RASAL2: variants seen among roughly 807,000 people sequenced by gnomAD.
RASAL2 encodes ras GTPase-activating protein nGAP.
In RASAL2, 58 loss-of-function variants were observed where a neutral mutation model predicts 128.9. The observed-to-expected ratio is 0.45, with a 90% confidence interval of 0.36 to 0.56. The LOEUF (loss-of-function observed/expected upper bound fraction) is 0.56, where lower values mean the gene tolerates loss of function less well. Among genes scored for constraint, RASAL2 ranks in the 20% least tolerant of loss-of-function variants. The pLI, the probability that RASAL2 is intolerant of heterozygous loss-of-function variation, is 0.00. For missense variants in RASAL2, 1,360 were observed against 1,601.6 expected, an observed-to-expected ratio of 0.85 and a Z score of 2.57; for synonymous variants, 561 against 580.8, an observed-to-expected ratio of 0.97 and a Z score of 0.49.
chr1:178,236,066 T>C (rs1664221107), intron 1 of RASAL2, among the ~76,000 whole-genome samples: 1 of 152,224 alleles, frequency 6.6e-6, no homozygotes, highest in South Asian at 2.1e-4. Context: ...ATTTTTTTAA[T>C]GCTCATTTTC....
At chr1:178,378,897 G>A (rs1672131599) in intron 3 of RASAL2, among the ~76,000 whole-genome samples, 1 of 151,848 alleles carries the variant, frequency 6.6e-6, no homozygotes, top group South Asian at 2.1e-4. Context: ...TTTAGGGAAA[G>A]AAAGAATGAA....
At chr1:178,467,128 A>G (rs1647790059) in intron 16 of RASAL2, among the ~76,000 whole-genome samples, 1 of 152,220 alleles carries the variant, frequency 6.6e-6, no homozygotes, top group Non-Finnish European at 1.5e-5. Flanking sequence ...TGGGGTTACT[A>G]TTCCAAGGGA....
intron 1 of RASAL2, among the ~76,000 whole-genome samples, chr1:178,264,229 C>G (rs529794029): frequency 6.6e-6 from 1 of 152,210 alleles, no homozygotes; most frequent in South Asian, 2.1e-4. Flanking sequence ...TATCTCTACC[C>G]GTTGCCTCAG....
At chr1:178,461,267 A>T (rs1245184475) in intron 14 of RASAL2, among the ~76,000 whole-genome samples, 1 of 152,174 alleles carries the variant, frequency 6.6e-6, no homozygotes, top group Non-Finnish European at 1.5e-5. Flanking sequence ...CAGAAACTAG[A>T]GGATTTCTTT....
At chr1:178,471,764 C>T (rs1003689198) in intron 17 of RASAL2, among the ~76,000 whole-genome samples, 2 of 152,066 alleles carry the variant, frequency 1.3e-5, no homozygotes, top group African/African-American at 4.8e-5. Flanking sequence ...ATTTTTCCCC[C>T]AGGGCCGTGG....
At chr1:178,420,668 T>A in intron 5 of RASAL2, 48 bp downstream of exon 5, 1 of 1,364,158 alleles carries the variant, frequency 7.3e-7, no homozygotes, top group Non-Finnish European at 1.0e-6. Flanking sequence ...TGAGAGTGAA[T>A]TTTGTTAAGG....
At chr1:178,311,076 T>A (rs1015970869) in intron 3 of RASAL2, among the ~76,000 whole-genome samples, 1 of 152,122 alleles carries the variant, frequency 6.6e-6, no homozygotes, top group Non-Finnish European at 1.5e-5. Flanking sequence ...GAAGTAGGAA[T>A]GATTTTTAGA....
chr1:178,189,774 G>T (rs1296822205), intron 1 of RASAL2, among the ~76,000 whole-genome samples: 1 of 151,992 alleles, frequency 6.6e-6, no homozygotes, highest in African/African-American at 2.4e-5. Context: ...CTATTTATGT[G>T]TTTTTTTCTC....
chr1:178,292,629 A>G (rs941264534), intron 2 of RASAL2, among the ~76,000 whole-genome samples: 2 of 152,234 alleles, frequency 1.3e-5, no homozygotes, highest in Non-Finnish European at 2.9e-5. Context: ...GCTTGATACC[A>G]GCCCAGTTCA....
chr1:178,276,519 GT>G lies in RASAL2; in HGVS notation c.203-7034del, dbSNP rs199980160. 2.2e-3 allele frequency among the ~76,000 whole-genome samples: 318 copies of G among 144,390 alleles called. 2 individuals carry two copies. The highest frequency in any genetic ancestry group is 3.8e-3 in the South Asian group (17 of 4,462). The allele number at this position is 144,390 out of a possible 152,430, so 94.7% of individuals were successfully genotyped here. Reference sequence around the variant, plus strand: ...TCCTCAACCACATTACAATTTTTTTGTTTTTTTTTTTGAGACAAGGTGTTAT... The same window carrying G: ...TCCTCAACCACATTACAATTTTTTTGTTTTTTTTTTGAGACAAGGTGTTAT... On this transcript the variant is annotated intron_variant, in intron 1 of 17. Transcript: ENST00000367649.
chr1:178,376,193 G>GA (rs1178915930), intron 3 of RASAL2, among the ~76,000 whole-genome samples: 3 of 151,988 alleles, frequency 2.0e-5, no homozygotes, highest in East Asian at 1.9e-4. Context: ...AGAGAAGTCA[G>GA]AAAAAAACCA....
intron 5 of RASAL2, among the ~76,000 whole-genome samples, chr1:178,422,232 G>A (rs1417636175): frequency 6.6e-6 from 1 of 151,780 alleles, no homozygotes; most frequent in Non-Finnish European, 1.5e-5. Context: ...GTTGCCCATG[G>A]GAATTGTTTG....
chr1:178,402,672 CT>C (rs565483078), intron 4 of RASAL2, among the ~76,000 whole-genome samples: 33 of 152,046 alleles, frequency 2.2e-4, no homozygotes, highest in African/African-American at 6.5e-4. Context: ...CACATTATAC[CT>C]TTTGCTCATG....
intron 1 of RASAL2, among the ~76,000 whole-genome samples, chr1:178,250,467 T>C (rs1664992546): frequency 6.6e-6 from 1 of 152,240 alleles, no homozygotes; most frequent in African/African-American, 2.4e-5. Context: ...ACTGCTGTCC[T>C]GGCAGCAAGA....
Position 178,478,530 on chromosome 1 carries a change from G to A in RASAL2, c.*5291G>A, listed in dbSNP as rs1648834926. 6.6e-6 allele frequency: 1 copy of A among 152,138 alleles called. No homozygotes were observed. Among genetic ancestry groups the A allele is most frequent in the Non-Finnish European group, 1.5e-5 (1 of 68,028 alleles). 9.4% of individuals were successfully genotyped at this position (152,138 alleles called of 1,614,324 possible). On this transcript the variant is annotated 3_prime_UTR_variant, in exon 18 of 18. Transcript: ENST00000367649. ...TTTCATCTCCAGGGCCTTAATAAGA[G>A]TGTGTTAACACACGACTATTTTACA...
chr1:178,290,220 C>T (rs1020867145), intron 2 of RASAL2, among the ~76,000 whole-genome samples: 3 of 152,174 alleles, frequency 2.0e-5, no homozygotes, highest in Non-Finnish European at 2.9e-5. Context: ...CCTGATGAAA[C>T]ATAGGAAACT....
intron 1 of RASAL2, among the ~76,000 whole-genome samples, chr1:178,101,597 T>C (rs1328764676): frequency 6.6e-6 from 1 of 152,190 alleles, no homozygotes; most frequent in East Asian, 1.9e-4. Context: ...ATAACAAAAT[T>C]CGGAAGAGTA....
Position 178,443,151 on chromosome 1 carries a change from G to T in RASAL2, c.1404G>T (p.Glu468Asp). ...ACACCATGCTGTGTTCTGTCCTTGA[G>T]CCAGTAATTAGTGTGAGAAATAAAG... ...SNYTMLCSVL[E>D]PVISVRNKEE... is the part of the protein sequence containing the mutation. The change falls in exon 8 of 18, where the codon GAG becomes GAT. Residue 468 changes from glutamate (E) to aspartate (D), a missense_variant. By Grantham distance (45) the Glu-to-Asp change is conservative. This residue lies in a region of RASAL2 where 617 missense variants were observed against 714.2 expected (regional missense o/e 0.86). Transcript: ENST00000367649. 2 of 1,613,818 alleles carry T rather than the reference G, an allele frequency of 1.2e-6. No individual in the cohort carries two copies. Among genetic ancestry groups the T allele is most frequent in the Non-Finnish European group, 1.7e-6 (2 of 1,179,792 alleles).
At chr1:178,386,075 G>A (rs1171056704) in intron 3 of RASAL2, among the ~76,000 whole-genome samples, 1 of 152,134 alleles carries the variant, frequency 6.6e-6, no homozygotes, top group African/African-American at 2.4e-5. Flanking sequence ...TGAACCAAAG[G>A]CAGTGTATAC....
Sources: gnomAD v4.1 joint callset for allele counts (sites outside exome capture counted in the v4.1 genomes callset) on GRCh38, gnomAD v4.1.1 for gene constraint, gnomAD v4.1.1 regional missense constraint, MANE v1.5 for transcripts, NCBI Gene and HGNC (gene_info 2026-07-23, HGNC 2026-07-21) for gene names.